The following TMEM45A variants were observed in gnomAD, a reference collection of about 807,000 sequenced individuals.
TMEM45A encodes the protein transmembrane protein 45A.
TMEM45A carries 25 observed loss-of-function variants against 32.0 expected under a neutral mutation model. The ratio of observed to expected loss-of-function variants is 0.78; its 90% CI spans 0.57 to 1.09. The LOEUF (loss-of-function observed/expected upper bound fraction) is 1.09, where lower values mean the gene tolerates loss of function less well. Among genes scored for constraint, TMEM45A ranks in the 50% least tolerant of loss-of-function variants. The pLI is 0.00. For missense variants in TMEM45A, 302 were observed against 325.0 expected (o/e 0.93, Z 0.54); for synonymous variants, 122 against 114.8 (o/e 1.06, Z -0.40).
intron 1 of TMEM45A, chr3:100,519,501 T>G (rs1705390437): frequency 2.0e-6 from 3 of 1,501,172 alleles, no homozygotes; most frequent in Non-Finnish European, 2.7e-6. Flanking sequence ...GGCTCAATTT[T>G]GGCTGCTTCA....
At chr3:100,559,196 C>G (rs1335151236) in intron 4 of TMEM45A, among the ~76,000 whole-genome samples, 1 of 152,184 alleles carries the variant, frequency 6.6e-6, no homozygotes, top group Non-Finnish European at 1.5e-5. Context: ...GAATTCCAAT[C>G]AGTAAACACA....
At chr3:100,493,124 T>TCA (rs1707871715) in intron 1 of TMEM45A, among the ~76,000 whole-genome samples, 196 bp downstream of exon 1, 1 of 100,806 alleles carries the variant, frequency 9.9e-6, no homozygotes, top group African/African-American at 2.9e-5. Context: ...GCTATTCTTT[T>TCA]TTTTTTTTTT....
intron 1 of TMEM45A, among the ~76,000 whole-genome samples, chr3:100,494,792 A>T: frequency 6.6e-6 from 1 of 152,210 alleles, no homozygotes; most frequent in East Asian, 1.9e-4. Flanking sequence ...TTACAGCCCT[A>T]CAACAGTAAC....
chr3:100,511,496 C>T (rs1314252116), intron 1 of TMEM45A, among the ~76,000 whole-genome samples: 2 of 152,180 alleles, frequency 1.3e-5, no homozygotes, highest in African/African-American at 4.8e-5. Flanking sequence ...AAAGGAACAA[C>T]TGGTACCAGC....
rs1429342010 is a variant in TMEM45A at position 100,577,060 on chromosome 3, T to C, written c.*42T>C. ...GTTTTTCTAGATAAACCTTTTCTTT[T>C]TTACATTGTTCTTGGTTTTGTTTCT... On this transcript the variant is annotated 3_prime_UTR_variant, in exon 6 of 6. Coordinates refer to ENST00000323523, the MANE Select transcript of TMEM45A (RefSeq NM_018004.3). 6.6e-7 allele frequency: 1 copy of C among 1,508,002 alleles called. No homozygotes were observed. The highest frequency in any genetic ancestry group is 2.3e-5 in the East Asian group (1 of 43,772). The allele number at this position is 1,508,002 out of a possible 1,614,324, so 93.4% of individuals were successfully genotyped here.
rs1706711568 is a variant in TMEM45A, at chr3:100,577,262, T to G, written c.*244T>G. On this transcript the variant is annotated 3_prime_UTR_variant, in exon 6 of 6. Coordinates refer to ENST00000323523, the MANE Select transcript of TMEM45A (RefSeq NM_018004.3). ...ATGGTATTCAGGGGCTAGAGTGATT[T>G]TTTTCCAGATTATCTAAAGTTGGAT... 5.8e-6 allele frequency: 2 copies of G among 344,980 alleles called. No homozygotes were observed. The highest frequency in any genetic ancestry group is 4.4e-5 in the African/African-American group (2 of 45,876). 21.4% of individuals were successfully genotyped at this position (344,980 alleles called of 1,614,324 possible). A position where few individuals can be genotyped will look rare whatever the true frequency, so the allele number is the denominator to read the frequency against.
chr3:100,539,495 A>ATGTATATGTATT (rs1559644614), intron 1 of TMEM45A, among the ~76,000 whole-genome samples: 1 of 70,742 alleles, frequency 1.4e-5, no homozygotes, highest in African/African-American at 7.4e-5. Context: ...GTATATGTAT[A>ATGTATATGTATT]CGTATACGTA....
rs1401089754 is a variant in TMEM45A at position 100,519,736 on chromosome 3, T to A, written c.-4+26808T>A. 3.1e-6 allele frequency: 3 copies of A among 967,786 alleles called. No homozygotes were observed. The East Asian group carries it at 7.9e-5, about 25-fold the overall frequency. The allele number at this position is 967,786 out of a possible 1,614,324, so 59.9% of individuals were successfully genotyped here. The stretch of plus-strand genomic sequence containing the variant: ...TTATGACATTGTGCAAGTAACTTAT[T>A]GTGGGTTGTGGCTGATCAAGGCAAA... On this transcript the variant is annotated intron_variant, in intron 1 of 5. Coordinates refer to ENST00000323523, the MANE Select transcript of TMEM45A (RefSeq NM_018004.3).
intron 1 of TMEM45A, among the ~76,000 whole-genome samples, chr3:100,550,540 G>GT (rs926607295): frequency 2.0e-4 from 30 of 152,162 alleles, no homozygotes; most frequent in Non-Finnish European, 4.0e-4. Flanking sequence ...GAAATTTTAA[G>GT]TTTTTTCTCA....
At chr3:100,519,369 T>TTGTG in intron 1 of TMEM45A, 1 of 518,972 alleles carries the variant, frequency 1.9e-6, no homozygotes, top group Non-Finnish European at 3.4e-6. Flanking sequence ...TGCATACAGG[T>TTGTG]TGTGTGTGTG....
chr3:100,537,737 C>T (rs1705770611), intron 1 of TMEM45A, among the ~76,000 whole-genome samples: 1 of 152,256 alleles, frequency 6.6e-6, no homozygotes, highest in African/African-American at 2.4e-5. Flanking sequence ...CAAACGTTCA[C>T]ACAGGTGTCA....
intron 4 of TMEM45A, among the ~76,000 whole-genome samples, chr3:100,563,609 T>G (rs754239578): frequency 6.6e-6 from 1 of 152,188 alleles, no homozygotes; most frequent in Non-Finnish European, 1.5e-5. Flanking sequence ...TTTCCATGAA[T>G]TTGTTGTAAG....
chr3:100,546,385 A>G (rs1705980594), intron 1 of TMEM45A, among the ~76,000 whole-genome samples: 1 of 152,262 alleles, frequency 6.6e-6, no homozygotes, highest in South Asian at 2.1e-4. Context: ...ATATTTGCTC[A>G]CCATAGAGTC....
chr3:100,512,367 AAT>A (rs1255820815), intron 1 of TMEM45A, among the ~76,000 whole-genome samples: 1 of 152,202 alleles, frequency 6.6e-6, no homozygotes, highest in African/African-American at 2.4e-5. Context: ...CCTGCTCCTG[AAT>A]GACTACTGGG....
chr3:100,560,916 A>T (rs986163869), intron 4 of TMEM45A, among the ~76,000 whole-genome samples: 1 of 152,190 alleles, frequency 6.6e-6, no homozygotes, highest in Non-Finnish European at 1.5e-5. Context: ...TTGGCAGATA[A>T]ATGTTTTCAT....
At chr3:100,546,124 G>A (rs541773711) in intron 1 of TMEM45A, among the ~76,000 whole-genome samples, 1 of 152,262 alleles carries the variant, frequency 6.6e-6, no homozygotes, top group East Asian at 1.9e-4. Flanking sequence ...AGGAATGGAG[G>A]TGGCTTCTAA....
intron 1 of TMEM45A, among the ~76,000 whole-genome samples, chr3:100,534,731 G>A (rs534780513): frequency 6.6e-6 from 1 of 152,218 alleles, no homozygotes; most frequent in Non-Finnish European, 1.5e-5. Context: ...TGGTGCTGTA[G>A]AAAGTGCACT....
At chr3:100,500,347 C>A (rs1707991959) in intron 1 of TMEM45A, among the ~76,000 whole-genome samples, 1 of 151,956 alleles carries the variant, frequency 6.6e-6, no homozygotes, top group African/African-American at 2.4e-5. Flanking sequence ...GGAGAACAGA[C>A]ACTAGCACTC....
intron 5 of TMEM45A, chr3:100,574,214 G>A (rs1229740273): frequency 6.6e-6 from 1 of 152,072 alleles, no homozygotes; most frequent in East Asian, 1.9e-4. Flanking sequence ...TCCAGGAGCT[G>A]GTTTTTTGAA....
Sources: allele counts gnomAD v4.1 joint callset (sites outside exome capture counted in the v4.1 genomes callset), GRCh38; gene constraint gnomAD v4.1.1; transcripts MANE v1.5; gene names NCBI Gene and HGNC (gene_info 2026-07-23, HGNC 2026-07-21).